KMT5C: variants seen among roughly 807,000 people sequenced by gnomAD.
The protein encoded by KMT5C is histone-lysine N-methyltransferase KMT5C.
Under a neutral mutation model 38.2 loss-of-function variants are expected in KMT5C, and 16 were observed. The ratio of observed to expected loss-of-function variants is 0.42; its 90% confidence interval spans 0.28 to 0.64. The LOEUF is 0.64. KMT5C is among the 30% of genes least tolerant of loss of function. The pLI, the probability that KMT5C is intolerant of heterozygous loss-of-function variation, is 0.23. For synonymous variants in KMT5C, 291 were observed against 279.0 expected (o/e 1.04, Z -0.43); for missense variants, 598 against 665.1 (o/e 0.90, Z 1.11).
Position 55,347,142 on chromosome 19 carries a change from G to A in KMT5C, c.1082G>A (p.Gly361Asp). Residue 361 changes from glycine to aspartate, a missense_variant, in exon 9 of 9, where the codon GGC (glycine) becomes GAC (aspartate). Gly to Asp is a moderately conservative substitution (Grantham distance 94, BLOSUM62 -1). Around this residue, in one of 3 missense-constraint regions of KMT5C, gnomAD observed 326 missense variants for 298.1 expected, o/e 1.09. Coordinates refer to ENST00000255613, the MANE Select transcript of KMT5C (RefSeq NM_032701.4). The surrounding 1 kb of genome is among the most constrained non-coding windows in gnomAD (Gnocchi z 4.6). ...CGCGTCTCCCTGCACCGATGGGGAG[G>A]CTGTGGCCCCCACTGCCGCCTGCGA... ...AARVSLHRWG[G>D]CGPHCRLRGE... 1 of 1,539,706 alleles carries A rather than the reference G, an allele frequency of 6.5e-7. No homozygotes were observed. Among genetic ancestry groups the A allele is most frequent in the Non-Finnish European group, 8.7e-7 (1 of 1,149,176 alleles).
Position 55,342,399 on chromosome 19 carries a change from CCCCCGCCCTCACCGCGTGTCCT to C in KMT5C, c.276+26_276+47del. On this transcript the variant is annotated intron_variant, in intron 3 of 8. Transcript: ENST00000255613. ...GACCCACGTGAGGGCGCCCTCCCCT[CCCCCGCCCTCACCGCGTGTCCT>C]CCCCGCTCACCGGGCCTGGTCCCGC... The C allele has an allele frequency of 1.4e-6, 2 of 1,457,122 alleles. No homozygotes were observed. The highest frequency in any genetic ancestry group is 1.8e-6 in the Non-Finnish European group (2 of 1,102,126). The allele number at this position is 1,457,122 out of a possible 1,614,324, so 90.3% of individuals were successfully genotyped here.
Position 55,342,821 on chromosome 19 carries a change from A to G in KMT5C, c.356A>G (p.Asn119Ser). 1.2e-6 allele frequency: 2 copies of G among 1,611,530 alleles called. No individual in the cohort carries two copies. Among genetic ancestry groups the G allele is most frequent in the Non-Finnish European group, 1.7e-6 (2 of 1,177,724 alleles). Residue 119 changes from asparagine (N) to serine (S), a missense_variant, in exon 4 of 9, where the codon AAC becomes AGC. Asn to Ser is a conservative substitution (Grantham distance 46). This residue lies in a region of KMT5C where 167 missense variants were observed against 187.8 expected (regional missense o/e 0.89). Coordinates refer to ENST00000255613, the MANE Select transcript of KMT5C (RefSeq NM_032701.4). ...LPCTRYSMET[N>S]GAKIVSTRAW... ...TGCACGCGCTACTCCATGGAGACCA[A>G]CGGGGCCAAGATCGTGTCCACTCGT...
At chr19:55,341,496 G>C (rs535632709) in intron 1 of KMT5C, 70 of 176,918 alleles carry the variant, frequency 4.0e-4, no homozygotes, top group Non-Finnish European at 6.9e-4. Flanking sequence ...TAAGCCTTTA[G>C]GGTGATCCCG....
chr19:55,346,384 G>A (rs564835862), intron 7 of KMT5C, 35 bp downstream of exon 7: 99 of 1,613,320 alleles, frequency 6.1e-5, no homozygotes, highest in Admixed American at 1.3e-4. Flanking sequence ...GGTTCGGGTC[G>A]TCTGGGCTTC....
chr19:55,345,617 T>G (rs1600266238), intron 6 of KMT5C, among the ~76,000 whole-genome samples: 1 of 152,014 alleles, frequency 6.6e-6, no homozygotes, highest in Non-Finnish European at 1.5e-5. Flanking sequence ...GATGGGTAGA[T>G]GGACAGTTGG....
rs1427198846 is a variant in KMT5C, at chr19:55,347,548, A to C, written c.*99A>C. On this transcript the variant is annotated 3_prime_UTR_variant, in exon 9 of 9. Transcript: ENST00000255613. This position sits in a 1 kb window ranked among gnomAD's most constrained non-coding sequence, Gnocchi z 4.6. ...CCCTTGGACCTCTGGGAGGGAGCTG[A>C]CCCTTGACTCCAGCATAGCTCTGAC... 1 of 1,442,922 alleles carries C rather than the reference A, an allele frequency of 6.9e-7. No homozygotes were observed. The highest frequency in any genetic ancestry group is 2.8e-5 in the Admixed American group (1 of 35,890). 89.4% of individuals were successfully genotyped at this position (1,442,922 alleles called of 1,614,324 possible).
chr19:55,346,677 C>G lies in KMT5C; in HGVS notation c.885C>G (p.Asp295Glu), dbSNP rs1237434362. ...ACVHPSPLRRDPFCAACQPLR... is the reference protein window; with the variant it reads ...ACVHPSPLRREPFCAACQPLR... ...TGCACCCATCCCCGCTGCGCCGGGA[C>G]CCATTCTGCGGTGAGCACCCCTCCC... Residue 295 changes from aspartate (D) to glutamate (E), a missense_variant, in exon 8 of 9, where the codon GAC becomes GAG. Physicochemically the swap from Asp to Glu is conservative, Grantham distance 45. Coordinates refer to ENST00000255613, the MANE Select transcript of KMT5C (RefSeq NM_032701.4). The G allele has an allele frequency of 2.6e-6, 4 of 1,565,594 alleles. No homozygotes were observed. The South Asian group carries it at 4.7e-5, about 18-fold the overall frequency.
At chr19:55,341,642 G>A (rs2089558258) in intron 1 of KMT5C, 152 bp from the exon 2 acceptor site, 2 of 458,956 alleles carry the variant, frequency 4.4e-6, no homozygotes, top group Non-Finnish European at 4.0e-6. Context: ...TGTGTTTAGG[G>A]GGGATCTGTG....
chr19:55,340,981 A>G (rs1281489281), intron 1 of KMT5C, among the ~76,000 whole-genome samples: 1 of 149,282 alleles, frequency 6.7e-6, no homozygotes, highest in Non-Finnish European at 1.5e-5. Context: ...CGACCCCTCC[A>G]CAGCCGTCTC....
intron 4 of KMT5C, 54 bp downstream of exon 4, chr19:55,342,905 G>GTCTCTCTTGTCCCCTCT: frequency 5.4e-6 from 6 of 1,106,810 alleles, no homozygotes; most frequent in Non-Finnish European, 8.3e-6. Flanking sequence ...AGCTCAGAGG[G>GTCTCTCTTGTCCCCTCT]GACAAGAGAG....
Position 55,346,242 on chromosome 19 carries a change from C to T in KMT5C, c.600C>T (p.Cys200=), listed in dbSNP as rs372193747. The change falls in exon 7 of 9, where the codon TGC becomes TGT. Residue 200 remains cysteine (C), a synonymous_variant. Coordinates refer to ENST00000255613, the MANE Select transcript of KMT5C (RefSeq NM_032701.4). ...KFVPADGNAA[C]VKVLRDIEPG... is the part of the protein sequence containing the mutation. Reference sequence around the variant, plus strand: ...TGCCTGCAGATGGGAACGCAGCCTGCGTGAAGGTGCTCCGGGACATTGAGC... The same window carrying T: ...TGCCTGCAGATGGGAACGCAGCCTGTGTGAAGGTGCTCCGGGACATTGAGC... The T allele has an allele frequency of 3.0e-4, 477 of 1,613,956 alleles. 1 individual carries two copies. Among genetic ancestry groups the T allele is most frequent in the Non-Finnish European group, 3.9e-4 (462 of 1,179,948 alleles).
chr19:55,343,824 A>G lies in KMT5C; in HGVS notation c.531A>G (p.Pro177=). The G allele has an allele frequency of 6.2e-7, 1 of 1,613,738 alleles. No individual in the cohort carries two copies. The highest frequency in any genetic ancestry group is 8.5e-7 in the Non-Finnish European group (1 of 1,179,930). ...RKRSAQLWLG[P]AAFINHDCKP... is the part of the protein sequence containing the mutation. ...GGAGTGCTCAGCTGTGGCTGGGCCC[A>G]GCCGCCTTCATCAACCATGGTGAGG... is the stretch of plus-strand genomic sequence containing the variant. Residue 177 remains proline, a synonymous_variant, in exon 5 of 9, where the codon CCA becomes CCG. Transcript: ENST00000255613. The surrounding 1 kb of genome is among the most constrained non-coding windows in gnomAD (Gnocchi z 5.5).
At position 55,347,152 on chromosome 19, in the gene KMT5C, C is replaced by A; in HGVS notation, c.1092C>A (p.Pro364=). ...VSLHRWGGCG[P]HCRLRGEALV... is the part of the protein sequence containing the mutation. ...TGCACCGATGGGGAGGCTGTGGCCC[C>A]CACTGCCGCCTGCGAGGAGAGGCCC... The change falls in exon 9 of 9, where the codon CCC becomes CCA. Residue 364 remains proline, a synonymous_variant. Coordinates refer to ENST00000255613, the MANE Select transcript of KMT5C (RefSeq NM_032701.4). The surrounding 1 kb of genome is among the most constrained non-coding windows in gnomAD (Gnocchi z 4.6). The A allele has an allele frequency of 6.5e-7, 1 of 1,537,374 alleles. No individual in the cohort carries two copies. The highest frequency in any genetic ancestry group is 8.7e-7 in the Non-Finnish European group (1 of 1,147,650).
chr19:55,345,003 G>A (rs1480456191), intron 6 of KMT5C: 2 of 457,930 alleles, frequency 4.4e-6, no homozygotes, highest in South Asian at 3.1e-5. Context: ...GGAGGGTTTT[G>A]GACAGCGAAT....
In KMT5C at chr19:55,343,056, C is replaced by T; in HGVS notation, c.386+205C>T. 1 of 561,142 alleles carries T rather than the reference C, an allele frequency of 1.8e-6. No individual in the cohort carries two copies. The allele number at this position is 561,142 out of a possible 1,614,324, so 34.8% of individuals were successfully genotyped here. On this transcript the variant is annotated intron_variant, in intron 4 of 8. Coordinates refer to ENST00000255613, the MANE Select transcript of KMT5C (RefSeq NM_032701.4). This position sits in a 1 kb window ranked among gnomAD's most constrained non-coding sequence, Gnocchi z 5.5. ...TGGAGCAGGAGACCCCGGATGTGAC[C>T]CCAGGGTTCCTGGGGCTTCCAGGAA...
chr19:55,342,616 G>A (rs1431545764), intron 3 of KMT5C, 126 bp from the exon 4 acceptor site: 7 of 668,670 alleles, frequency 1.0e-5, no homozygotes, highest in East Asian at 8.1e-5. Flanking sequence ...CTGAGGCCCC[G>A]AGAGGGAACA....
rs1223532880 is a variant in KMT5C, at chr19:55,343,105, C to A, written c.386+254C>A. ...AAAGAACTAGGCTTCTGGTCAGGGC[C>A]GTGCTGTCCTTACCTCCTTGTGACC... On this transcript the variant is annotated intron_variant, in intron 4 of 8. Coordinates refer to ENST00000255613, the MANE Select transcript of KMT5C (RefSeq NM_032701.4). This position sits in a 1 kb window ranked among gnomAD's most constrained non-coding sequence, Gnocchi z 5.5. 1.9e-5 allele frequency: 9 copies of A among 468,038 alleles called. No homozygotes were observed. The highest frequency in any genetic ancestry group is 3.2e-5 in the Non-Finnish European group (8 of 253,858). 29.0% of individuals were successfully genotyped at this position (468,038 alleles called of 1,614,324 possible). A position where few individuals can be genotyped will look rare whatever the true frequency, so the allele number is the denominator to read the frequency against.
intron 1 of KMT5C, among the ~76,000 whole-genome samples, chr19:55,340,366 A>C (rs2089543497): frequency 3.6e-5 from 5 of 137,842 alleles, no homozygotes; most frequent in Admixed American, 7.1e-5. Context: ...ACCTCCCTGC[A>C]CTCCCAGGGC....
chr19:55,346,774 C>A (rs1482215727), intron 8 of KMT5C, 87 bp downstream of exon 8: 3 of 1,203,686 alleles, frequency 2.5e-6, no homozygotes, highest in Non-Finnish European at 3.4e-6. Context: ...CTCTGCCTAG[C>A]CTGGAACCCT....
Sources: gnomAD v4.1 joint callset for allele counts (sites outside exome capture counted in the v4.1 genomes callset) on GRCh38, gnomAD v4.1.1 for gene constraint, gnomAD v4.1.1 regional missense constraint, Gnocchi (gnomAD v3.1) non-coding constraint, MANE v1.5 for transcripts, NCBI Gene and HGNC (gene_info 2026-07-23, HGNC 2026-07-21) for gene names.